Variants in CCSER1 observed in about 807,000 individuals in gnomAD.
The protein encoded by CCSER1 is coiled-coil serine rich protein 1, also known as serine-rich coiled-coil domain-containing protein 1.
CCSER1 carries 41 observed loss-of-function variants against 82.0 expected under a neutral mutation model. The ratio of observed to expected loss-of-function variants is 0.50; its 90% CI spans 0.39 to 0.65. The LOEUF (loss-of-function observed/expected upper bound fraction) is 0.65, where lower values mean the gene tolerates loss of function less well. Among genes scored for constraint, CCSER1 ranks in the 30% least tolerant of loss-of-function variants. CCSER1 has a pLI of 0.00. For missense variants in CCSER1, 1,119 were observed against 1,064.2 expected (o/e 1.05, Z -0.72); for synonymous variants, 414 against 383.9 (o/e 1.08, Z -0.92).
chr4:90,855,502 T>G (rs1304622381), intron 8 of CCSER1, among the ~76,000 whole-genome samples: 2 of 152,178 alleles, frequency 1.3e-5, no homozygotes, highest in African/African-American at 4.8e-5. Context: ...TGAAAAATAT[T>G]TGGAGTTTAG....
chr4:90,357,200 G>A (rs1744529389), intron 3 of CCSER1, among the ~76,000 whole-genome samples: 1 of 151,770 alleles, frequency 6.6e-6, no homozygotes, highest in Non-Finnish European at 1.5e-5. Context: ...TTCTGAGATG[G>A]TTTTAAAAAA....
chr4:91,548,215 C>A lies in CCSER1; in HGVS notation c.2218-50357C>A, dbSNP rs558032076. Among the ~76,000 whole-genome samples the A allele has an allele frequency of 2.7e-3, 414 of 152,280 alleles. 2 individuals are homozygous for A. The highest frequency in any genetic ancestry group is 9.0e-3 in the African/African-American group (375 of 41,562). On this transcript the variant is annotated intron_variant, in intron 10 of 10. Coordinates refer to ENST00000509176, the MANE Select transcript of CCSER1 (RefSeq NM_001145065.2). ...ATTTACGTGTAAAACTAAGCAAAAT[C>A]CATTTTCAAATAACACCATACAACT...
intron 7 of CCSER1, among the ~76,000 whole-genome samples, chr4:90,794,732 G>C (rs937631052): frequency 6.6e-6 from 1 of 152,110 alleles, no homozygotes; most frequent in Non-Finnish European, 1.5e-5. Context: ...AATAGGAATA[G>C]CATTGAATCA....
intron 8 of CCSER1, among the ~76,000 whole-genome samples, chr4:90,886,946 A>C (rs1395431639): frequency 6.6e-6 from 1 of 152,218 alleles, no homozygotes; most frequent in Non-Finnish European, 1.5e-5. Flanking sequence ...TATTACACAC[A>C]TTGAAACTAC....
intron 10 of CCSER1, among the ~76,000 whole-genome samples, chr4:91,305,918 C>A (rs192906996): frequency 1.3e-5 from 2 of 149,688 alleles, no homozygotes; most frequent in African/African-American, 4.8e-5. Context: ...CTCACTATCA[C>A]GAGAACAGCA....
At chr4:91,470,517 C>T (rs1226275568) in intron 10 of CCSER1, among the ~76,000 whole-genome samples, 5 of 152,018 alleles carry the variant, frequency 3.3e-5, no homozygotes, top group Non-Finnish European at 5.9e-5. Context: ...GACACGTATA[C>T]TTTGTTCTTT....
chr4:91,377,928 A>T (rs1289968671), intron 10 of CCSER1, among the ~76,000 whole-genome samples: 5 of 152,170 alleles, frequency 3.3e-5, no homozygotes, highest in South Asian at 4.1e-4. Flanking sequence ...ATTTTTGTAT[A>T]AGGTGTAAGG....
intron 6 of CCSER1, among the ~76,000 whole-genome samples, chr4:90,721,534 C>A (rs539128919): frequency 6.6e-6 from 1 of 151,722 alleles, no homozygotes. Flanking sequence ...ATAATTCTGA[C>A]AGAACATTTT....
At chr4:91,541,863 ATTGC>A (rs1761617586) in intron 10 of CCSER1, among the ~76,000 whole-genome samples, 4 of 152,098 alleles carry the variant, frequency 2.6e-5, no homozygotes, top group Non-Finnish European at 5.9e-5. Flanking sequence ...AAGCATTCCT[ATTGC>A]TCCACACCCT....
chr4:91,438,604 T>A (rs1754857888), intron 10 of CCSER1, among the ~76,000 whole-genome samples: 1 of 152,124 alleles, frequency 6.6e-6, no homozygotes, highest in South Asian at 2.1e-4. Flanking sequence ...ACATAATTCA[T>A]CACCAGCAAC....
intron 10 of CCSER1, among the ~76,000 whole-genome samples, chr4:91,217,298 G>C (rs1327434535): frequency 6.6e-6 from 1 of 152,198 alleles, no homozygotes; most frequent in Non-Finnish European, 1.5e-5. Context: ...CCCACATCCT[G>C]CTGATTGGTA....
At position 90,953,945 on chromosome 4, in the gene CCSER1, A is replaced by C. The variant is rs556692856; in HGVS notation, c.2172+30498A>C. On this transcript the variant is annotated intron_variant, in intron 9 of 10. Transcript: ENST00000509176. ...AAAGCTCAATAGAGTTGTCATAACAAAAGAGGTTCATAAATTTTTCTTTAA... is the reference window on the plus strand; with the variant it reads ...AAAGCTCAATAGAGTTGTCATAACACAAGAGGTTCATAAATTTTTCTTTAA... Among the ~76,000 whole-genome samples the C allele has an allele frequency of 4.6e-5, 7 of 152,132 alleles. No individual in the cohort carries two copies. The South Asian group carries it at 1.4e-3, about 32-fold the overall frequency.
intron 6 of CCSER1, among the ~76,000 whole-genome samples, chr4:90,674,203 TAG>T (rs1198694085): frequency 6.6e-6 from 1 of 151,940 alleles, no homozygotes; most frequent in Non-Finnish European, 1.5e-5. Flanking sequence ...TTTTTTTCAA[TAG>T]AGAGAATTAT....
intron 5 of CCSER1, among the ~76,000 whole-genome samples, chr4:90,509,561 T>C (rs931740241): frequency 6.6e-6 from 1 of 152,158 alleles, no homozygotes; most frequent in African/African-American, 2.4e-5. Flanking sequence ...CCAAGTACCA[T>C]CTTTAACCTG....
At chr4:91,294,050 G>A (rs1743975380) in intron 10 of CCSER1, among the ~76,000 whole-genome samples, 1 of 151,626 alleles carries the variant, frequency 6.6e-6, no homozygotes, top group Non-Finnish European at 1.5e-5. Context: ...TTTATTGTGG[G>A]TAGCTGTAAT....
In CCSER1 at chr4:91,367,096, CCAT is replaced by C. The variant is rs1222181940; in HGVS notation, c.2218-231474_2218-231472del. 2.8e-5 allele frequency among the ~76,000 whole-genome samples: 4 copies of C among 142,276 alleles called. No homozygotes were observed. In the East Asian group the frequency reaches 8.2e-4, roughly 29 times the overall value. 93.3% of individuals were successfully genotyped at this position (142,276 alleles called of 152,430 possible). ...ATTGCTTGAATTCAGGAGTTTGAGACCATCCTGGGCAACATGGTGAAACACCAT... is the reference window on the plus strand; with the variant it reads ...ATTGCTTGAATTCAGGAGTTTGAGACCCTGGGCAACATGGTGAAACACCAT... On this transcript the variant is annotated intron_variant, in intron 10 of 10. Coordinates refer to ENST00000509176, the MANE Select transcript of CCSER1 (RefSeq NM_001145065.2).
intron 4 of CCSER1, among the ~76,000 whole-genome samples, chr4:90,420,298 A>C (rs966172229): frequency 2.0e-5 from 3 of 151,874 alleles, no homozygotes; most frequent in African/African-American, 7.2e-5. Flanking sequence ...CTCTTTTCAT[A>C]CTCTGTGTTA....
At chr4:91,400,015 G>T (rs937949378) in intron 10 of CCSER1, among the ~76,000 whole-genome samples, 2 of 151,850 alleles carry the variant, frequency 1.3e-5, no homozygotes, top group African/African-American at 4.8e-5. Flanking sequence ...GATGTGACTT[G>T]AGCACAACAA....
chr4:90,249,301 C>G (rs73832731), intron 1 of CCSER1, among the ~76,000 whole-genome samples: 5,410 of 152,148 alleles, frequency 0.036, 266 homozygotes, highest in East Asian at 0.23. Flanking sequence ...GCTAGGATAA[C>G]AGTTGATAAT....
Sources: allele counts gnomAD v4.1 joint callset (sites outside exome capture counted in the v4.1 genomes callset), GRCh38; gene constraint gnomAD v4.1.1; transcripts MANE v1.5; gene names NCBI Gene and HGNC (gene_info 2026-07-23, HGNC 2026-07-21).